GFRAL: variants seen among roughly 807,000 people sequenced by gnomAD.
GFRAL encodes the protein GDNF family receptor alpha-like.
In GFRAL, 36 loss-of-function variants were observed where a neutral mutation model predicts 45.4. The ratio of observed to expected loss-of-function variants is 0.79; its 90% CI spans 0.61 to 1.05. The LOEUF (loss-of-function observed/expected upper bound fraction) is 1.05, where lower values mean the gene tolerates loss of function less well. GFRAL is among the 50% of genes least tolerant of loss of function. The pLI is 0.00. For synonymous variants in GFRAL, 166 were observed against 154.1 expected, an observed-to-expected ratio of 1.08 and a Z score of -0.57; for missense variants, 507 against 467.5, an observed-to-expected ratio of 1.08 and a Z score of -0.78.
rs1265732440 is a variant in GFRAL, at chr6:55,346,687, ATAAAAG to A, written c.317-3398_317-3393del. Among the ~76,000 whole-genome samples the A allele has an allele frequency of 2.6e-5, 4 of 152,286 alleles. No homozygotes were observed. In the East Asian group the frequency reaches 7.7e-4, roughly 29 times the overall value. ...GCACATGTACCCTAGAACTTAAAGT[ATAAAAG>A]TAAAAGAAAAAAAAAGTTGACCATA... On this transcript the variant is annotated intron_variant, in intron 3 of 8. Coordinates refer to ENST00000340465, the MANE Select transcript of GFRAL (RefSeq NM_207410.2).
chr6:55,369,076 G>A (rs1180444307), intron 6 of GFRAL, among the ~76,000 whole-genome samples: 1 of 151,214 alleles, frequency 6.6e-6, no homozygotes, highest in Non-Finnish European at 1.5e-5. Context: ...TCAGACTGCT[G>A]TGCTAGCAAT....
intron 1 of GFRAL, among the ~76,000 whole-genome samples, chr6:55,328,843 A>G (rs1249581936): frequency 6.6e-6 from 1 of 152,048 alleles, no homozygotes; most frequent in Non-Finnish European, 1.5e-5. Flanking sequence ...ACTATTTGAT[A>G]TGTTGTACCA....
intron 6 of GFRAL, among the ~76,000 whole-genome samples, chr6:55,391,924 C>T (rs560841808): frequency 1.3e-5 from 2 of 152,286 alleles, no homozygotes; most frequent in South Asian, 2.1e-4. Flanking sequence ...TCTCTCTTCT[C>T]GTCTCCAGCT....
chr6:55,381,478 C>T (rs1768606788), intron 6 of GFRAL, among the ~76,000 whole-genome samples: 2 of 151,828 alleles, frequency 1.3e-5, no homozygotes, highest in Admixed American at 6.6e-5. Context: ...TCCTGCCTTA[C>T]AACATTTCAT....
At chr6:55,337,500 G>A (rs907207933) in intron 3 of GFRAL, among the ~76,000 whole-genome samples, 7 of 152,080 alleles carry the variant, frequency 4.6e-5, no homozygotes, top group African/African-American at 1.7e-4. Flanking sequence ...TTCCTTACAT[G>A]ATCTATTTCA....
In GFRAL at chr6:55,399,160, T is replaced by C. The variant is rs756015631; in HGVS notation, c.953-20T>C. The stretch of plus-strand genomic sequence containing the variant: ...AATGTATGATATGTAACTAATCTCA[T>C]TTTTATGATTTTCTTTCAGATTATC... On this transcript the variant is annotated intron_variant, in intron 6 of 8. Coordinates refer to ENST00000340465, the MANE Select transcript of GFRAL (RefSeq NM_207410.2). 1 of 1,360,116 alleles carries C rather than the reference T, an allele frequency of 7.4e-7. No homozygotes were observed. The highest frequency in any genetic ancestry group is 2.1e-5 in the Admixed American group (1 of 46,578). 84.3% of individuals were successfully genotyped at this position (1,360,116 alleles called of 1,614,324 possible).
chr6:55,399,793 C>T (rs1210649668), intron 8 of GFRAL, among the ~76,000 whole-genome samples: 4 of 152,122 alleles, frequency 2.6e-5, no homozygotes, highest in South Asian at 2.1e-4. Context: ...TTGATAGGCT[C>T]ACATAACTGA....
intron 3 of GFRAL, among the ~76,000 whole-genome samples, chr6:55,346,022 A>G (rs1362461299): frequency 6.6e-6 from 1 of 152,176 alleles, no homozygotes; most frequent in East Asian, 1.9e-4. Context: ...AATGGCGATC[A>G]TTAAAAAATC....
chr6:55,356,529 G>C (rs567563528), intron 5 of GFRAL, among the ~76,000 whole-genome samples: 28 of 151,728 alleles, frequency 1.8e-4, no homozygotes, highest in African/African-American at 6.5e-4. Context: ...ATGATCCTTC[G>C]AATTTCTGTG....
chr6:55,378,096 C>T (rs776729232), intron 6 of GFRAL, among the ~76,000 whole-genome samples: 6 of 152,026 alleles, frequency 3.9e-5, no homozygotes, highest in Non-Finnish European at 7.4e-5. Flanking sequence ...CCCTCAAACT[C>T]GCATACAGTG....
intron 6 of GFRAL, among the ~76,000 whole-genome samples, chr6:55,363,483 T>A (rs972013718): frequency 2.6e-5 from 4 of 151,328 alleles, no homozygotes; most frequent in African/African-American, 7.3e-5. Context: ...CATGTGCACA[T>A]TGTGCAGGTT....
At chr6:55,368,432 T>G (rs1163748086) in intron 6 of GFRAL, among the ~76,000 whole-genome samples, 1 of 152,160 alleles carries the variant, frequency 6.6e-6, no homozygotes, top group Non-Finnish European at 1.5e-5. Context: ...GAAGCCTTCT[T>G]CTCTCAGCTC....
At chr6:55,342,133 A>G (rs1035973015) in intron 3 of GFRAL, among the ~76,000 whole-genome samples, 1 of 152,238 alleles carries the variant, frequency 6.6e-6, no homozygotes, top group African/African-American at 2.4e-5. Context: ...TCCCCAATCT[A>G]GCAAGGCAGA....
chr6:55,336,888 C>T (rs1767897615), intron 3 of GFRAL, among the ~76,000 whole-genome samples: 1 of 151,994 alleles, frequency 6.6e-6, no homozygotes, highest in Non-Finnish European at 1.5e-5. Flanking sequence ...GAGGAAATTC[C>T]TTATTTTTGG....
At chr6:55,375,534 G>T (rs2127361723) in intron 6 of GFRAL, among the ~76,000 whole-genome samples, 1 of 152,154 alleles carries the variant, frequency 6.6e-6, no homozygotes, top group African/African-American at 2.4e-5. Flanking sequence ...CTCAGTCAAT[G>T]GTGTTCCCTA....
At chr6:55,386,900 C>G (rs1768687684) in intron 6 of GFRAL, among the ~76,000 whole-genome samples, 1 of 152,122 alleles carries the variant, frequency 6.6e-6, no homozygotes, top group South Asian at 2.1e-4. Flanking sequence ...GCAGTAAATG[C>G]TTCACAGGGC....
Position 55,399,286 on chromosome 6 carries a change from A to T in GFRAL, c.1048+11A>T. On this transcript the variant is annotated intron_variant, in intron 7 of 8. Coordinates refer to ENST00000340465, the MANE Select transcript of GFRAL (RefSeq NM_207410.2). ...ATTCCCCCTTCAATGGTCAGTTAAA[A>T]ATCAATCCTCTATAATATTTATATT... The T allele has an allele frequency of 6.4e-7, 1 of 1,552,224 alleles. No homozygotes were observed. Among genetic ancestry groups the T allele is most frequent in the Non-Finnish European group, 8.9e-7 (1 of 1,129,450 alleles).
intron 3 of GFRAL, among the ~76,000 whole-genome samples, chr6:55,348,787 G>T (rs1456824640): frequency 6.6e-6 from 1 of 152,160 alleles, no homozygotes; most frequent in South Asian, 2.1e-4. Flanking sequence ...TATGAATGTA[G>T]GGGTAATGAG....
intron 8 of GFRAL, among the ~76,000 whole-genome samples, 166 bp from the exon 9 acceptor site, chr6:55,401,624 T>C (rs1369217100): frequency 6.6e-6 from 1 of 152,218 alleles, no homozygotes; most frequent in Non-Finnish European, 1.5e-5. Flanking sequence ...GGTGTGATGC[T>C]CCCTAGAAAG....
Sources: allele counts gnomAD v4.1 joint callset (sites outside exome capture counted in the v4.1 genomes callset), GRCh38; gene constraint gnomAD v4.1.1; transcripts MANE v1.5; gene names NCBI Gene and HGNC (gene_info 2026-07-23, HGNC 2026-07-21).